TTC28: variants seen among roughly 807,000 people sequenced by gnomAD.
The protein encoded by TTC28 is tetratricopeptide repeat domain 28.
Under a neutral mutation model 198.0 loss-of-function variants are expected in TTC28, and 61 were observed. That is an observed-to-expected ratio of 0.31 (90% confidence interval 0.25 to 0.38). The LOEUF (loss-of-function observed/expected upper bound fraction) is 0.38. TTC28 is among the 10% of genes least tolerant of loss of function. The pLI is 1.00. For missense variants in TTC28, 2,678 were observed against 3,164.0 expected (o/e 0.85, Z 3.69); for synonymous variants, 1,171 against 1,297.8 (o/e 0.90, Z 2.10).
In TTC28 at chr22:28,300,108, C is replaced by T. The variant is rs112149342; in HGVS notation, c.530-2256G>A. ...GGAAAATCAGTGTCACCACTGCCAC[C>T]TCCACCACCAGAACAAATTCTGTGC... On this transcript the variant is annotated intron_variant, in intron 3 of 22. Coordinates refer to ENST00000397906, the MANE Select transcript of TTC28 (RefSeq NM_001145418.2). 8.7e-3 allele frequency among the ~76,000 whole-genome samples: 1,325 copies of T among 152,334 alleles called. 34 individuals are homozygous for T. The highest frequency in any genetic ancestry group is 0.083 in the East Asian group (432 of 5,188).
At chr22:28,231,815 A>G (rs1196618379) in intron 5 of TTC28, among the ~76,000 whole-genome samples, 2 of 152,246 alleles carry the variant, frequency 1.3e-5, no homozygotes, top group African/African-American at 4.8e-5. Context: ...CTTTGATAAC[A>G]GCAAGAAAAC....
chr22:28,097,968 T>C (rs965662873), intron 10 of TTC28, among the ~76,000 whole-genome samples: 2 of 152,212 alleles, frequency 1.3e-5, no homozygotes, highest in African/African-American at 2.4e-5. Flanking sequence ...AAGAGGAAAT[T>C]TGAGTCCTTC....
At chr22:28,518,098 G>A (rs1304910503) in intron 2 of TTC28, among the ~76,000 whole-genome samples, 1 of 151,642 alleles carries the variant, frequency 6.6e-6, no homozygotes, top group Non-Finnish European at 1.5e-5. Context: ...AAGCATCAAT[G>A]GCATATCTAC....
chr22:28,360,985 T>G (rs1402328610), intron 2 of TTC28, among the ~76,000 whole-genome samples: 1 of 152,220 alleles, frequency 6.6e-6, no homozygotes, highest in Non-Finnish European at 1.5e-5. Context: ...GATGGCAAAC[T>G]TAGTCAATAC....
intron 2 of TTC28, among the ~76,000 whole-genome samples, chr22:28,618,424 G>A (rs1049620656): frequency 6.6e-6 from 1 of 152,160 alleles, no homozygotes; most frequent in African/African-American, 2.4e-5. Context: ...GCTCACGCCT[G>A]TAATCCAAGC....
intron 2 of TTC28, among the ~76,000 whole-genome samples, chr22:28,356,658 A>C (rs1251370772): frequency 1.3e-5 from 2 of 152,182 alleles, no homozygotes. Context: ...GTGCACACCC[A>C]AACATACTCA....
At chr22:28,568,928 C>G (rs994522707) in intron 2 of TTC28, among the ~76,000 whole-genome samples, 5 of 152,060 alleles carry the variant, frequency 3.3e-5, no homozygotes, top group African/African-American at 9.7e-5. Context: ...AAGCAGATCA[C>G]CTGAGGTCAG....
At chr22:28,397,417 C>G (rs1353413223) in intron 2 of TTC28, among the ~76,000 whole-genome samples, 2 of 152,238 alleles carry the variant, frequency 1.3e-5, no homozygotes, top group African/African-American at 4.8e-5. Context: ...CACCACAAAG[C>G]TAGTGCTCAC....
chr22:28,456,576 C>G (rs945207565), intron 2 of TTC28, among the ~76,000 whole-genome samples: 1 of 151,996 alleles, frequency 6.6e-6, no homozygotes, highest in Non-Finnish European at 1.5e-5. Context: ...CTTTTTCTCT[C>G]ATAATTTTTT....
intron 2 of TTC28, among the ~76,000 whole-genome samples, chr22:28,358,908 C>T (rs960261241): frequency 6.6e-6 from 1 of 152,104 alleles, no homozygotes; most frequent in African/African-American, 2.4e-5. Context: ...CCTACTCCTC[C>T]CTTTTCTATA....
intron 6 of TTC28, among the ~76,000 whole-genome samples, chr22:28,141,788 C>T (rs1182670260): frequency 6.6e-6 from 1 of 152,024 alleles, no homozygotes; most frequent in African/African-American, 2.4e-5. Context: ...TATAAAGGAC[C>T]ATTTAATACC....
chr22:28,392,230 C>T (rs1482044505), intron 2 of TTC28, among the ~76,000 whole-genome samples: 1 of 152,162 alleles, frequency 6.6e-6, no homozygotes, highest in Non-Finnish European at 1.5e-5. Flanking sequence ...CTAGGAGAAC[C>T]ACTGCTCTCT....
At chr22:28,440,600 C>T (rs1446189356) in intron 2 of TTC28, among the ~76,000 whole-genome samples, 1 of 152,158 alleles carries the variant, frequency 6.6e-6, no homozygotes, top group Non-Finnish European at 1.5e-5. Context: ...TGGGGTAGCA[C>T]TCTTTGGATG....
At chr22:28,179,493 A>C (rs1923498791) in intron 5 of TTC28, among the ~76,000 whole-genome samples, 1 of 152,122 alleles carries the variant, frequency 6.6e-6, no homozygotes, top group Non-Finnish European at 1.5e-5. Context: ...ACAAATGCTG[A>C]CTTCTCTCTG....
At chr22:28,174,124 G>A (rs1436119692) in intron 5 of TTC28, among the ~76,000 whole-genome samples, 1 of 152,084 alleles carries the variant, frequency 6.6e-6, no homozygotes, top group Non-Finnish European at 1.5e-5. Flanking sequence ...GAAGAATAAG[G>A]ATAGACTCTG....
intron 2 of TTC28, among the ~76,000 whole-genome samples, chr22:28,453,683 C>A (rs1221641272): frequency 6.6e-6 from 1 of 152,126 alleles, no homozygotes; most frequent in African/African-American, 2.4e-5. Context: ...AAATCTAATC[C>A]AAATCTTGCC....
chr22:28,623,300 T>C (rs891171477), intron 2 of TTC28, among the ~76,000 whole-genome samples: 2 of 152,168 alleles, frequency 1.3e-5, no homozygotes, highest in African/African-American at 4.8e-5. Flanking sequence ...GATAAAGAGA[T>C]ACATTGCATA....
chr22:28,070,093 G>A (rs1011367159), intron 12 of TTC28, among the ~76,000 whole-genome samples: 2 of 152,096 alleles, frequency 1.3e-5, no homozygotes, highest in African/African-American at 2.4e-5. Flanking sequence ...ATCAGAAAAC[G>A]TCTAAGCTTC....
chr22:28,387,058 T>C lies in TTC28; in HGVS notation c.382-80415A>G, dbSNP rs182645201. On this transcript the variant is annotated intron_variant, in intron 2 of 22. Transcript: ENST00000397906. ...CCTTCCTGTGTCCACGTGTTCTCAT[T>C]GTTCAATTCCCACCTATGAGTGAGA... is the stretch of plus-strand genomic sequence containing the variant. Among the ~76,000 whole-genome samples, 590 of 151,908 alleles carry C rather than the reference T, an allele frequency of 3.9e-3. 1 individual carries two copies. The highest frequency in any genetic ancestry group is 5.7e-3 in the Non-Finnish European group (385 of 67,952).
Sources: allele counts gnomAD v4.1 joint callset (sites outside exome capture counted in the v4.1 genomes callset), GRCh38; gene constraint gnomAD v4.1.1; transcripts MANE v1.5; gene names NCBI Gene and HGNC (gene_info 2026-07-23, HGNC 2026-07-21).